The following KIAA1671 variants were observed in gnomAD, a reference collection of about 807,000 sequenced individuals.
KIAA1671 encodes uncharacterized protein KIAA1671.
Under a neutral mutation model 131.2 loss-of-function variants are expected in KIAA1671, and 52 were observed. That is an observed-to-expected ratio of 0.40 (90% confidence interval 0.32 to 0.50). The LOEUF (loss-of-function observed/expected upper bound fraction) is 0.50, where lower values mean the gene tolerates loss of function less well. Among genes scored for constraint, KIAA1671 ranks in the 20% least tolerant of loss-of-function variants. The pLI is 0.73. For synonymous variants in KIAA1671, 1,003 were observed against 961.6 expected (o/e 1.04, Z -0.80); for missense variants, 2,360 against 2,364.2 (o/e 1.00, Z 0.04).
Position 25,028,365 on chromosome 22 carries a change from G to A in KIAA1671, c.366G>A (p.Glu122=). The A allele has an allele frequency of 7.7e-6, 12 of 1,550,894 alleles. No individual in the cohort carries two copies. Among genetic ancestry groups the A allele is most frequent in the Non-Finnish European group, 8.7e-6 (10 of 1,146,968 alleles). Residue 122 remains glutamate (E), a synonymous_variant, in exon 3 of 13, where the codon GAG becomes GAA. Coordinates refer to ENST00000358431, the MANE Select transcript of KIAA1671 (RefSeq NM_001145206.2). The part of the protein sequence containing the change: ...GLVGQEVGSG[E]GPRTSSPLFN... ...TGGGGCAGGAGGTGGGCAGTGGGGA[G>A]GGCCCGAGGACGAGCTCGCCCCTCT...
At chr22:25,160,457 G>A (rs1403266953) in intron 6 of KIAA1671, among the ~76,000 whole-genome samples, 5 of 152,078 alleles carry the variant, frequency 3.3e-5, no homozygotes, top group Non-Finnish European at 7.4e-5. Flanking sequence ...TTGCTCTTTC[G>A]GTTCGGTCTT....
In KIAA1671 at chr22:25,089,365, C is replaced by G. The variant is rs529972417; in HGVS notation, c.4530+40001C>G. On this transcript the variant is annotated intron_variant, in intron 6 of 12. Coordinates refer to ENST00000358431, the MANE Select transcript of KIAA1671 (RefSeq NM_001145206.2). Reference sequence around the variant, plus strand: ...TCTCGGCTCACTGCAACATCTGCCTCCCGGGTTCAAGCAATTCTGCTGCCT... The same window carrying G: ...TCTCGGCTCACTGCAACATCTGCCTGCCGGGTTCAAGCAATTCTGCTGCCT... 1.3e-4 allele frequency among the ~76,000 whole-genome samples: 20 copies of G among 149,328 alleles called. No homozygotes were observed. The East Asian group carries it at 4.0e-3, about 30-fold the overall frequency.
intron 6 of KIAA1671, among the ~76,000 whole-genome samples, chr22:25,068,180 C>T (rs372411139): frequency 6.7e-6 from 1 of 148,212 alleles, no homozygotes; most frequent in Non-Finnish European, 1.5e-5. Flanking sequence ...ACTGTGCCGT[C>T]AGGGAGCAGG....
At chr22:24,970,898 C>A (rs1216160956) in intron 1 of KIAA1671, among the ~76,000 whole-genome samples, 1 of 152,130 alleles carries the variant, frequency 6.6e-6, no homozygotes, top group East Asian at 1.9e-4. Flanking sequence ...CTGTGCTAAG[C>A]ACTTGCTATG....
intron 1 of KIAA1671, among the ~76,000 whole-genome samples, chr22:25,002,779 C>A (rs1205089103): frequency 5.3e-5 from 8 of 150,862 alleles, no homozygotes; most frequent in Admixed American, 4.6e-4. Context: ...GTTTTAACTT[C>A]GTGGCTTTTT....
At chr22:25,020,259 A>T (rs912579227) in intron 1 of KIAA1671, among the ~76,000 whole-genome samples, 217 of 152,304 alleles carry the variant, frequency 1.4e-3, no homozygotes, top group African/African-American at 4.9e-3. Flanking sequence ...TCATTTGAAC[A>T]GCACAAGTTG....
intron 9 of KIAA1671, chr22:25,179,246 A>G (rs1934169525): frequency 1.2e-5 from 18 of 1,517,816 alleles, no homozygotes; most frequent in Admixed American, 2.0e-5. Flanking sequence ...ACAGAGGTGA[A>G]CGAAACAAAA....
At chr22:25,077,072 C>T (rs1929149044) in intron 6 of KIAA1671, among the ~76,000 whole-genome samples, 1 of 152,174 alleles carries the variant, frequency 6.6e-6, no homozygotes, top group African/African-American at 2.4e-5. Flanking sequence ...AACTGAGGCC[C>T]ATGGTGTTGA....
chr22:25,038,748 G>T lies in KIAA1671; in HGVS notation c.1630-12G>T. 1.5e-5 allele frequency: 23 copies of T among 1,510,928 alleles called. No homozygotes were observed. The Admixed American group carries it at 1.8e-4, about 12-fold the overall frequency. The allele number at this position is 1,510,928 out of a possible 1,614,324, so 93.6% of individuals were successfully genotyped here. A position where few individuals can be genotyped will look rare whatever the true frequency, so the allele number is the denominator to read the frequency against. On this transcript the variant is annotated splice_polypyrimidine_tract_variant and intron_variant, in intron 4 of 12. Transcript: ENST00000358431. ...CACTGAGGTGTTTCTTTTTCTTTTT[G>T]TTTCTTTCCAGCAAAAGGAGGGGCA...
intron 5 of KIAA1671, 70 bp downstream of exon 5, chr22:25,041,595 A>C: frequency 4.8e-5 from 68 of 1,428,870 alleles, no homozygotes; most frequent in Non-Finnish European, 5.9e-5. Flanking sequence ...GCCGAAACTC[A>C]GATTTTGTGT....
chr22:25,049,557 C>G (rs9612835), intron 6 of KIAA1671, 193 bp downstream of exon 6: 99,999 of 582,844 alleles, frequency 0.17, 12,699 homozygotes, highest in African/African-American at 0.51. Context: ...TGTTTGGTGG[C>G]TCTGCTGGGG....
intron 6 of KIAA1671, among the ~76,000 whole-genome samples, chr22:25,115,512 A>G (rs1931605897): frequency 6.6e-6 from 1 of 152,150 alleles, no homozygotes; most frequent in South Asian, 2.1e-4. Flanking sequence ...GTTCAATGGG[A>G]CAGAGTGGAC....
At chr22:25,074,188 G>GGA (rs1189143972) in intron 6 of KIAA1671, among the ~76,000 whole-genome samples, 3 of 137,904 alleles carry the variant, frequency 2.2e-5, no homozygotes, top group Non-Finnish European at 4.8e-5. Context: ...TATATAGAGA[G>GGA]GATATATATA....
chr22:25,022,169 C>T (rs1196274612), intron 1 of KIAA1671, among the ~76,000 whole-genome samples: 2 of 152,202 alleles, frequency 1.3e-5, no homozygotes, highest in Non-Finnish European at 2.9e-5. Flanking sequence ...GGTGTCAGGA[C>T]CAGCCCACGC....
chr22:24,983,774 A>ATT (rs1164602658), intron 1 of KIAA1671, among the ~76,000 whole-genome samples: 6 of 116,726 alleles, frequency 5.1e-5, no homozygotes, highest in African/African-American at 7.7e-5. Flanking sequence ...GGTGTTTGGA[A>ATT]TTTTTTTTTT....
chr22:25,049,240 G>A lies in KIAA1671; in HGVS notation c.4406G>A (p.Arg1469Gln). ...GTGDSHKVLP[R>Q]DLEKEDAPQE... is the part of the protein sequence containing the mutation. The stretch of plus-strand genomic sequence containing the variant: ...TGCTCTGTGTTTCAGGTGCTGCCAC[G>A]GGACCTGGAGAAGGAGGATGCCCCC... The change falls in exon 6 of 13, where the codon CGG becomes CAG. Residue 1469 changes from arginine to glutamine, a missense_variant. Physicochemically the swap from Arg to Gln is conservative, Grantham distance 43 (BLOSUM62 1). Coordinates refer to ENST00000358431, the MANE Select transcript of KIAA1671 (RefSeq NM_001145206.2). The A allele has an allele frequency of 5.8e-6, 9 of 1,551,852 alleles. No homozygotes were observed. The highest frequency in any genetic ancestry group is 1.7e-4 in the Middle Eastern group (1 of 5,992).
chr22:25,070,026 A>G (rs1442000506), intron 6 of KIAA1671: 2 of 248,338 alleles, frequency 8.1e-6, no homozygotes, highest in African/African-American at 4.5e-5. Context: ...TTGCCGTACA[A>G]CTGAAAACCC....
intron 1 of KIAA1671, among the ~76,000 whole-genome samples, chr22:24,961,350 C>T (rs1296244821): frequency 6.6e-6 from 1 of 152,188 alleles, no homozygotes; most frequent in African/African-American, 2.4e-5. Context: ...AGATATTTGC[C>T]CATGTACACA....
Position 25,181,763 on chromosome 22 carries a change from C to T in KIAA1671, c.5139C>T (p.Thr1713=). ...AGACGGCATCCAAAGCTGAGAGGAC[C>T]CCTGTCAGCCATCCTCAGAGGATGC... is the stretch of plus-strand genomic sequence containing the variant. ...EEETASKAER[T]PVSHPQRMPA... The change falls in exon 10 of 13, where the codon ACC becomes ACT. Residue 1713 remains threonine (T), a synonymous_variant. Coordinates refer to ENST00000358431, the MANE Select transcript of KIAA1671 (RefSeq NM_001145206.2). 1 of 1,551,516 alleles carries T rather than the reference C, an allele frequency of 6.4e-7. No individual in the cohort carries two copies. The highest frequency in any genetic ancestry group is 8.7e-7 in the Non-Finnish European group (1 of 1,146,906).
Sources: allele counts gnomAD v4.1 joint callset (sites outside exome capture counted in the v4.1 genomes callset), GRCh38; gene constraint gnomAD v4.1.1; transcripts MANE v1.5; gene names NCBI Gene and HGNC (gene_info 2026-07-23, HGNC 2026-07-21).